PCDHA5: variants seen among roughly 807,000 people sequenced by gnomAD.
PCDHA5 encodes protocadherin alpha 5.
In PCDHA5, 43 loss-of-function variants were observed where a neutral mutation model predicts 61.6. The observed-to-expected ratio is 0.70, with a 90% CI of 0.55 to 0.90. The LOEUF is 0.90. Among genes scored for constraint, PCDHA5 ranks in the 40% least tolerant of loss-of-function variants. PCDHA5 has a pLI of 0.00. For missense variants in PCDHA5, 1,298 were observed against 1,222.7 expected (o/e 1.06, Z -0.92); for synonymous variants, 627 against 543.9 (o/e 1.15, Z -2.13).
intron 1 of PCDHA5, chr5:140,850,308 G>C: frequency 6.3e-7 from 1 of 1,597,160 alleles, no homozygotes; most frequent in Non-Finnish European, 8.6e-7. Flanking sequence ...GGGCTACAAC[G>C]CGTGGCTTTC....
chr5:140,886,328 C>T (rs1554182483), intron 1 of PCDHA5, among the ~76,000 whole-genome samples: 1 of 151,922 alleles, frequency 6.6e-6, no homozygotes, highest in African/African-American at 2.4e-5. Context: ...TTCTGGGATA[C>T]ATGTGCAGAA....
At chr5:140,972,909 G>T (rs999939821) in intron 1 of PCDHA5, among the ~76,000 whole-genome samples, 18 of 151,942 alleles carry the variant, frequency 1.2e-4, no homozygotes, top group African/African-American at 4.4e-4. Flanking sequence ...TGATCCACCC[G>T]CCTTGGCCTC....
intron 1 of PCDHA5, among the ~76,000 whole-genome samples, chr5:140,889,933 A>T (rs1034906344): frequency 7.9e-5 from 12 of 152,188 alleles, no homozygotes; most frequent in African/African-American, 2.9e-4. Context: ...CTCAAGCTGG[A>T]CTTGTGAGAA....
At chr5:140,980,849 C>A (rs2096908252) in intron 2 of PCDHA5, among the ~76,000 whole-genome samples, 1 of 152,068 alleles carries the variant, frequency 6.6e-6, no homozygotes, top group Admixed American at 6.6e-5. Context: ...TAATACTAAT[C>A]TTTTTCGTAT....
rs140039635 is a variant in PCDHA5 at position 140,823,972 on chromosome 5, C to G, written c.2197C>G (p.Arg733Gly). The G allele has an allele frequency of 1.2e-6, 2 of 1,614,108 alleles. No homozygotes were observed. The highest frequency in any genetic ancestry group is 1.3e-5 in the African/African-American group (1 of 75,048). Residue 733 changes from arginine to glycine, a missense_variant, in exon 1 of 4, where the codon CGG (arginine) becomes GGG (glycine). Coordinates refer to ENST00000529859, the MANE Select transcript of PCDHA5 (RefSeq NM_018908.3). ...GCAGCCCACCGAGGCCGTGTGCACA[C>G]GGGGCAAGCCCACTCTGTTGTGCTC... ...SAQPTEAVCT[R>G]GKPTLLCSSA...
chr5:140,857,359 G>A lies in PCDHA5; in HGVS notation c.2352+33232G>A, dbSNP rs200721411. The A allele has an allele frequency of 2.9e-5, 46 of 1,598,282 alleles. 7 individuals carry two copies. The highest frequency in any genetic ancestry group is 3.8e-5 in the Non-Finnish European group (44 of 1,167,900). ...GGGGCTCGCCTCCGCTGTGGGCCAC[G>A]GCCAGCGTGTCTGTGGAGGTGGCCG... On this transcript the variant is annotated intron_variant, in intron 1 of 3. Coordinates refer to ENST00000529859, the MANE Select transcript of PCDHA5 (RefSeq NM_018908.3).
chr5:140,832,322 A>G (rs187612308), intron 1 of PCDHA5, among the ~76,000 whole-genome samples: 3 of 152,242 alleles, frequency 2.0e-5, no homozygotes, highest in Non-Finnish European at 2.9e-5. Context: ...CTTAAGGGCC[A>G]TTAGAGGACT....
At chr5:140,877,209 G>C in intron 1 of PCDHA5, 1 of 1,613,794 alleles carries the variant, frequency 6.2e-7, no homozygotes, top group African/African-American at 1.3e-5. Context: ...CAGTTAGCGA[G>C]TTGGTACCGC....
intron 1 of PCDHA5, among the ~76,000 whole-genome samples, chr5:140,890,509 A>G (rs1448258191): frequency 6.6e-6 from 1 of 151,802 alleles, no homozygotes; most frequent in African/African-American, 2.4e-5. Flanking sequence ...TTATGTCTCT[A>G]TTTCCTTCCT....
chr5:141,007,653 C>T (rs373127730), intron 3 of PCDHA5, among the ~76,000 whole-genome samples: 1 of 152,126 alleles, frequency 6.6e-6, no homozygotes, highest in African/African-American at 2.4e-5. Context: ...GCCTAAAAAA[C>T]CATAAATTTA....
intron 1 of PCDHA5, among the ~76,000 whole-genome samples, chr5:140,902,149 G>T (rs1471758440): frequency 6.8e-6 from 1 of 147,458 alleles, no homozygotes; most frequent in African/African-American, 2.5e-5. Flanking sequence ...AGGATAATTT[G>T]ATTTCTTCCT....
At chr5:140,949,544 T>A (rs981428881) in intron 1 of PCDHA5, among the ~76,000 whole-genome samples, 1 of 151,908 alleles carries the variant, frequency 6.6e-6, no homozygotes, top group Non-Finnish European at 1.5e-5. Flanking sequence ...TATCGATTTG[T>A]TGCTGGTCAT....
In PCDHA5 at chr5:140,876,087, G is replaced by T. The variant is rs1554168252; in HGVS notation, c.2352+51960G>T. ...GGAAGTTATTGGACAGAGAGCAAAC[G>T]CCAAAACTCAATTTATTGCTGATGG... On this transcript the variant is annotated intron_variant, in intron 1 of 3. Coordinates refer to ENST00000529859, the MANE Select transcript of PCDHA5 (RefSeq NM_018908.3). The T allele has an allele frequency of 1.9e-6, 3 of 1,613,922 alleles. No individual in the cohort carries two copies. The South Asian group carries it at 3.3e-5, about 18-fold the overall frequency.
chr5:140,887,857 G>A lies in PCDHA5; in HGVS notation c.2352+63730G>A, dbSNP rs139840938. Among the ~76,000 whole-genome samples the A allele has an allele frequency of 2.6e-3, 395 of 152,084 alleles. 2 individuals carry two copies. The highest frequency in any genetic ancestry group is 9.3e-3 in the African/African-American group (384 of 41,488). ...TATCTTTTATTGACATATTTTCCAAGTTCACTAATTTTTCCTTTTGTAGTA... is the reference window on the plus strand; with the variant it reads ...TATCTTTTATTGACATATTTTCCAAATTCACTAATTTTTCCTTTTGTAGTA... On this transcript the variant is annotated intron_variant, in intron 1 of 3. Coordinates refer to ENST00000529859, the MANE Select transcript of PCDHA5 (RefSeq NM_018908.3).
At position 140,850,706 on chromosome 5, in the gene PCDHA5, G is replaced by A. The variant is rs2150495171; in HGVS notation, c.2352+26579G>A. ...AGGGCGAGTGCGCGCCTGGCAAGCC[G>A]ACGCTGGTGTGTTCTAGCGCGGTGG... is the stretch of plus-strand genomic sequence containing the variant. On this transcript the variant is annotated intron_variant, in intron 1 of 3. Coordinates refer to ENST00000529859, the MANE Select transcript of PCDHA5 (RefSeq NM_018908.3). 7 of 1,598,146 alleles carry A rather than the reference G, an allele frequency of 4.4e-6. No individual in the cohort carries two copies. In the East Asian group the frequency reaches 1.3e-4, roughly 31 times the overall value.
chr5:140,919,307 T>C (rs567605906), intron 1 of PCDHA5, among the ~76,000 whole-genome samples: 2 of 152,348 alleles, frequency 1.3e-5, no homozygotes, highest in East Asian at 1.9e-4. Context: ...GTACAATATA[T>C]GTTTTCCCAT....
Position 140,821,910 on chromosome 5 carries a change from C to T in PCDHA5, c.135C>T (p.Gly45=). 1 of 1,614,236 alleles carries T rather than the reference C, an allele frequency of 6.2e-7. No individual in the cohort carries two copies. Among genetic ancestry groups the T allele is most frequent in the East Asian group, 2.2e-5 (1 of 44,894 alleles). The change falls in exon 1 of 4, where the codon GGC becomes GGT. Residue 45 remains glycine, a synonymous_variant. Coordinates refer to ENST00000529859, the MANE Select transcript of PCDHA5 (RefSeq NM_018908.3). ...AAGCCAAACACGGAACCTTCGTTGG[C>T]CGCATCGCGCAGGACCTAGGGCTGG... ...PEEAKHGTFV[G]RIAQDLGLEL... is the part of the protein sequence containing the mutation.
rs2150490057 is a variant in PCDHA5, at chr5:140,850,579, A to G, written c.2352+26452A>G. On this transcript the variant is annotated intron_variant, in intron 1 of 3. Transcript: ENST00000529859. ...ACGGGCCCCGAGGTGACGCTGGTGG[A>G]TGTCAACGTGTACCTGATCATCGCC... 24 of 1,598,000 alleles carry G rather than the reference A, an allele frequency of 1.5e-5. 1 individual carries two copies. The East Asian group carries it at 3.6e-4, about 24-fold the overall frequency.
intron 1 of PCDHA5, among the ~76,000 whole-genome samples, chr5:140,975,776 A>G (rs1554237009): frequency 1.3e-5 from 2 of 152,152 alleles, no homozygotes; most frequent in African/African-American, 2.4e-5. Flanking sequence ...AGATAATACC[A>G]TTACAAGATA....
Sources: gnomAD v4.1 joint callset for allele counts (sites outside exome capture counted in the v4.1 genomes callset) on GRCh38, gnomAD v4.1.1 for gene constraint, MANE v1.5 for transcripts, NCBI Gene and HGNC (gene_info 2026-07-23, HGNC 2026-07-21) for gene names.